OMA1: variants seen among roughly 807,000 people sequenced by gnomAD.
OMA1 encodes OMA1 zinc metallopeptidase.
OMA1 carries 38 observed loss-of-function variants against 30.9 expected under a neutral mutation model. The observed-to-expected ratio is 1.23, with a 90% CI of 0.95 to 1.61. The LOEUF (loss-of-function observed/expected upper bound fraction) is 1.61, where lower values mean the gene tolerates loss of function less well. Ranked by LOEUF, OMA1 falls within the 40% of genes most tolerant of loss-of-function variation. OMA1 has a pLI of 0.00. For missense variants in OMA1, 461 were observed against 349.2 expected, an observed-to-expected ratio of 1.32 and a Z score of -2.55; for synonymous variants, 173 against 121.9, an observed-to-expected ratio of 1.42 and a Z score of -2.76.
chr1:58,517,878 A>T (rs913791599), intron 7 of OMA1, among the ~76,000 whole-genome samples: 1 of 151,826 alleles, frequency 6.6e-6, no homozygotes, highest in Non-Finnish European at 1.5e-5. Context: ...GTCTTCTTAA[A>T]GCCTTATCTT....
Position 58,534,314 on chromosome 1 carries a change from T to C in OMA1, c.747A>G (p.Lys249=), listed in dbSNP as rs141301568. Residue 249 remains lysine (K), a synonymous_variant, in exon 4 of 9, where the codon AAA becomes AAG. Coordinates refer to ENST00000371226, the MANE Select transcript of OMA1 (RefSeq NM_145243.5). ...LEYEAWMEEF[K]NDMLTEKDAR... ...CATCTTTCTCAGTTAGCATATCATTTTTAAATTCTTCCATCCACTGAAAGA... is the reference window on the plus strand; with the variant it reads ...CATCTTTCTCAGTTAGCATATCATTCTTAAATTCTTCCATCCACTGAAAGA... 2.8e-4 allele frequency: 243 copies of C among 853,478 alleles called. No individual in the cohort carries two copies. Among genetic ancestry groups the C allele is most frequent in the Non-Finnish European group, 4.7e-4 (233 of 496,060 alleles). The allele number at this position is 853,478 out of a possible 1,614,324, so 52.9% of individuals were successfully genotyped here.
intron 8 of OMA1, among the ~76,000 whole-genome samples, chr1:58,495,397 T>C (rs1645782588): frequency 6.6e-6 from 1 of 152,202 alleles, no homozygotes; most frequent in South Asian, 2.1e-4. Flanking sequence ...TGTGCACATG[T>C]ACCCTAAAAC....
intron 8 of OMA1, among the ~76,000 whole-genome samples, chr1:58,490,206 C>T (rs1424203934): frequency 6.6e-6 from 1 of 152,108 alleles, no homozygotes; most frequent in African/African-American, 2.4e-5. Context: ...AAAGATTAGA[C>T]GAATGACTAA....
At chr1:58,505,442 A>C (rs112340683) in intron 8 of OMA1, among the ~76,000 whole-genome samples, 3 of 152,276 alleles carry the variant, frequency 2.0e-5, no homozygotes, top group African/African-American at 7.2e-5. Flanking sequence ...AAACATTCTG[A>C]ATGATGTCAA....
intron 8 of OMA1, among the ~76,000 whole-genome samples, chr1:58,488,554 C>T (rs1461552936): frequency 6.6e-6 from 1 of 152,156 alleles, no homozygotes; most frequent in Non-Finnish European, 1.5e-5. Context: ...CAGGTTCAAG[C>T]AATTCTCCTG....
chr1:58,525,541 T>A lies in OMA1; in HGVS notation c.1215+1720A>T, dbSNP rs951933007. On this transcript the variant is annotated intron_variant, in intron 7 of 8. Transcript: ENST00000371226. ...TGTGTAATTCCTACATACAAAAAAA[T>A]TTCAAAACATCGAGAAAAATTAAAC... 1.3e-5 allele frequency among the ~76,000 whole-genome samples: 2 copies of A among 152,076 alleles called. 1 individual carries two copies. The highest frequency in any genetic ancestry group is 6.8e-3 in the Middle Eastern group (2 of 294).
chr1:58,519,744 T>A (rs995822260), intron 7 of OMA1, among the ~76,000 whole-genome samples: 1 of 151,874 alleles, frequency 6.6e-6, no homozygotes, highest in African/African-American at 2.4e-5. Flanking sequence ...CATGAATTTT[T>A]AAAAAAATAT....
At position 58,494,604 on chromosome 1, in the gene OMA1, T is replaced by C. The variant is rs1245737540; in HGVS notation, c.1365+11456A>G. Among the ~76,000 whole-genome samples the C allele has an allele frequency of 3.7e-4, 56 of 151,830 alleles. No homozygotes were observed. The East Asian group carries it at 8.7e-3, about 24-fold the overall frequency. ...ACAAACAACCCCATCAAAAAGTGGG[T>C]GAAGGATATGAACAGACACTTCTCA... On this transcript the variant is annotated intron_variant, in intron 8 of 8. Coordinates refer to ENST00000371226, the MANE Select transcript of OMA1 (RefSeq NM_145243.5).
Position 58,539,218 on chromosome 1 carries a change from C to G in OMA1, c.77G>C (p.Arg26Thr). The G allele has an allele frequency of 2.3e-6, 2 of 872,726 alleles. No homozygotes were observed. The highest frequency in any genetic ancestry group is 3.3e-5 in the African/African-American group (2 of 61,402). 54.1% of individuals were successfully genotyped at this position (872,726 alleles called of 1,614,324 possible). Residue 26 changes from arginine to threonine, a missense_variant, in exon 2 of 9, where the codon AGA becomes ACA. By Grantham distance (71) the Arg-to-Thr change is moderately conservative. Coordinates refer to ENST00000371226, the MANE Select transcript of OMA1 (RefSeq NM_145243.5). ...GGTGGATGCTAATGTGTTACATTTT[C>G]TCCAGTTAGACAGTGAATTAAATCG... Reference protein sequence around the residue: ...FFRFNSLSNWRKCNTLASTSR... With the variant: ...FFRFNSLSNWTKCNTLASTSR...
chr1:58,493,116 G>T lies in OMA1; in HGVS notation c.1366-11942C>A, dbSNP rs866610596. Among the ~76,000 whole-genome samples, 20 of 152,038 alleles carry T rather than the reference G, an allele frequency of 1.3e-4. No individual in the cohort carries two copies. The Middle Eastern group carries it at 0.01, about 78-fold the overall frequency. ...GGGATGCAAGGCTGGTTCAACATAC[G>T]CAAATCAATAAACGTAATCCAGCAT... On this transcript the variant is annotated intron_variant, in intron 8 of 8. Transcript: ENST00000371226.
chr1:58,526,864 T>C (rs1376704565), intron 7 of OMA1, among the ~76,000 whole-genome samples: 2 of 152,058 alleles, frequency 1.3e-5, no homozygotes, highest in Non-Finnish European at 2.9e-5. Context: ...GAGGGACAAA[T>C]GTTAAAAGGC....
intron 2 of OMA1, among the ~76,000 whole-genome samples, chr1:58,537,694 T>C (rs1646539055): frequency 2.0e-5 from 3 of 152,236 alleles, no homozygotes; most frequent in Admixed American, 1.3e-4. Context: ...ATTTTACAAA[T>C]TCTTAAAGTT....
chr1:58,535,426 T>C (rs1473341076), intron 3 of OMA1, among the ~76,000 whole-genome samples: 1 of 151,774 alleles, frequency 6.6e-6, no homozygotes, highest in Non-Finnish European at 1.5e-5. Context: ...TGAAACCCCA[T>C]CTCTACTAAA....
chr1:58,541,624 A>AC (rs1646619279), intron 1 of OMA1: 1 of 97,256 alleles, frequency 1.0e-5, no homozygotes, highest in African/African-American at 4.2e-5. Flanking sequence ...CAAAAAAAAA[A>AC]AAAAAAAAAA....
intron 1 of OMA1, among the ~76,000 whole-genome samples, chr1:58,543,319 T>C (rs1181753634): frequency 4.6e-5 from 7 of 152,226 alleles, no homozygotes; most frequent in Non-Finnish European, 1.0e-4. Flanking sequence ...TGAGGGTTCC[T>C]CCTACACTTT....
chr1:58,539,980 T>C (rs1646579769), intron 1 of OMA1, among the ~76,000 whole-genome samples: 1 of 152,112 alleles, frequency 6.6e-6, no homozygotes, highest in African/African-American at 2.4e-5. Flanking sequence ...CCCTCCCATA[T>C]TCAGCTGAGT....
intron 7 of OMA1, among the ~76,000 whole-genome samples, chr1:58,520,731 C>T (rs1646248748): frequency 6.6e-6 from 1 of 151,880 alleles, no homozygotes. Context: ...GATTTTATTG[C>T]AAGAAAAGGA....
chr1:58,527,485 A>G (rs1646371056), intron 6 of OMA1, 150 bp from the exon 7 acceptor site: 3 of 580,846 alleles, frequency 5.2e-6, no homozygotes, highest in Non-Finnish European at 9.2e-6. Context: ...TCCATGATAT[A>G]AAATATAAAC....
At chr1:58,538,633 T>C (rs961123902) in intron 2 of OMA1, among the ~76,000 whole-genome samples, 162 bp downstream of exon 2, 4 of 152,174 alleles carry the variant, frequency 2.6e-5, no homozygotes, top group Admixed American at 6.5e-5. Flanking sequence ...GTTTAGAAAC[T>C]TCACTTTGAG....
Sources: gnomAD v4.1 joint callset for allele counts (sites outside exome capture counted in the v4.1 genomes callset) on GRCh38, gnomAD v4.1.1 for gene constraint, MANE v1.5 for transcripts, NCBI Gene and HGNC (gene_info 2026-07-23, HGNC 2026-07-21) for gene names.